Variants in FBXL7 observed in about 807,000 individuals in gnomAD.
FBXL7 encodes F-box/LRR-repeat protein 7.
Under a neutral mutation model 38.3 loss-of-function variants are expected in FBXL7, and 12 were observed. That is an observed-to-expected ratio of 0.31 (90% CI 0.20 to 0.51). The LOEUF (loss-of-function observed/expected upper bound fraction) is 0.51, where lower values mean the gene tolerates loss of function less well. Among genes scored for constraint, FBXL7 ranks in the 20% least tolerant of loss-of-function variants. The pLI is 0.98. For synonymous variants in FBXL7, 297 were observed against 300.9 expected, an observed-to-expected ratio of 0.99 and a Z score of 0.13; for missense variants, 567 against 676.4, an observed-to-expected ratio of 0.84 and a Z score of 1.79.
intron 2 of FBXL7, among the ~76,000 whole-genome samples, chr5:15,650,926 C>T (rs957614932): frequency 6.6e-6 from 1 of 152,128 alleles, no homozygotes; most frequent in African/African-American, 2.4e-5. Context: ...GGTTTGGAAT[C>T]AACTTCTTCC....
chr5:15,568,086 A>G (rs1234855915), intron 1 of FBXL7, among the ~76,000 whole-genome samples: 1 of 152,024 alleles, frequency 6.6e-6, no homozygotes, highest in East Asian at 1.9e-4. Flanking sequence ...TAGCAGCATG[A>G]TTTATAATCC....
At chr5:15,627,328 C>A (rs898558806) in intron 2 of FBXL7, among the ~76,000 whole-genome samples, 1 of 152,074 alleles carries the variant, frequency 6.6e-6, no homozygotes, top group Non-Finnish European at 1.5e-5. Flanking sequence ...AATCAGGACA[C>A]CCTCATGGAA....
intron 2 of FBXL7, among the ~76,000 whole-genome samples, chr5:15,706,151 TTACG>T (rs1199339792): frequency 6.6e-6 from 1 of 152,200 alleles, no homozygotes; most frequent in Non-Finnish European, 1.5e-5. Flanking sequence ...TGTCTAAATC[TTACG>T]TTGAATAGTA....
intron 2 of FBXL7, among the ~76,000 whole-genome samples, chr5:15,678,414 A>G (rs565500365): frequency 6.6e-6 from 1 of 152,314 alleles, no homozygotes; most frequent in African/African-American, 2.4e-5. Context: ...GGTGTCATAT[A>G]TGTAAGAAAG....
chr5:15,813,383 C>A (rs1172410363), intron 2 of FBXL7, among the ~76,000 whole-genome samples: 1 of 152,048 alleles, frequency 6.6e-6, no homozygotes, highest in East Asian at 1.9e-4. Flanking sequence ...ATGCAGAAAA[C>A]TGAAACTGGA....
chr5:15,597,495 T>TAAA (rs35742221), intron 1 of FBXL7, among the ~76,000 whole-genome samples: 59 of 114,890 alleles, frequency 5.1e-4, no homozygotes, highest in African/African-American at 1.9e-3. Context: ...TATCATTTTG[T>TAAA]AAAAAAAAAA....
chr5:15,534,753 T>G (rs549150916), intron 1 of FBXL7, among the ~76,000 whole-genome samples: 41 of 152,360 alleles, frequency 2.7e-4, no homozygotes, highest in South Asian at 1.7e-3. Flanking sequence ...TCCAAGTGGC[T>G]GTACCATTTT....
chr5:15,666,549 G>T (rs187717186), intron 2 of FBXL7, among the ~76,000 whole-genome samples: 8 of 152,144 alleles, frequency 5.3e-5, no homozygotes, highest in Non-Finnish European at 1.2e-4. Flanking sequence ...ACAGTTTGGG[G>T]AGTGTACTTG....
At chr5:15,688,812 G>C (rs1743095023) in intron 2 of FBXL7, among the ~76,000 whole-genome samples, 2 of 152,188 alleles carry the variant, frequency 1.3e-5, no homozygotes, top group African/African-American at 2.4e-5. Context: ...CAGTGGGGCT[G>C]ACTCCGTAAC....
intron 2 of FBXL7, among the ~76,000 whole-genome samples, chr5:15,670,297 C>T (rs527600406): frequency 3.3e-5 from 5 of 152,248 alleles, no homozygotes; most frequent in South Asian, 2.1e-4. Flanking sequence ...ATTTCATCAT[C>T]GACCATATGA....
chr5:15,922,375 A>G (rs2126448070), intron 2 of FBXL7, among the ~76,000 whole-genome samples: 1 of 152,250 alleles, frequency 6.6e-6, no homozygotes, highest in East Asian at 1.9e-4. Context: ...TTTTATCTTC[A>G]AGTAAAATGA....
chr5:15,836,777 G>GT (rs1434221090), intron 2 of FBXL7, among the ~76,000 whole-genome samples: 1 of 152,188 alleles, frequency 6.6e-6, no homozygotes, highest in Non-Finnish European at 1.5e-5. Context: ...TGACTGGCCT[G>GT]TGTCAGGTTT....
chr5:15,678,780 C>G (rs962591116), intron 2 of FBXL7, among the ~76,000 whole-genome samples: 2 of 152,156 alleles, frequency 1.3e-5, no homozygotes, highest in East Asian at 3.9e-4. Context: ...CCATGTAAGA[C>G]ATGCTTTCTG....
At chr5:15,564,934 T>C (rs1033654936) in intron 1 of FBXL7, among the ~76,000 whole-genome samples, 3 of 152,148 alleles carry the variant, frequency 2.0e-5, no homozygotes, top group Admixed American at 2.0e-4. Context: ...ACATTTTAAA[T>C]CTTTCAGCTA....
At chr5:15,663,665 T>A (rs77205912) in intron 2 of FBXL7, among the ~76,000 whole-genome samples, 2 of 152,164 alleles carry the variant, frequency 1.3e-5, no homozygotes, top group African/African-American at 4.8e-5. Context: ...CCTCCTGGGA[T>A]GAAGCCTACT....
At chr5:15,877,361 T>G (rs763013311) in intron 2 of FBXL7, among the ~76,000 whole-genome samples, 15 of 152,224 alleles carry the variant, frequency 9.9e-5, no homozygotes, top group Non-Finnish European at 1.8e-4. Flanking sequence ...TAATGCAATA[T>G]TCAAAGAAAA....
intron 2 of FBXL7, among the ~76,000 whole-genome samples, chr5:15,849,469 T>C (rs1323804449): frequency 6.6e-6 from 1 of 151,998 alleles, no homozygotes; most frequent in Non-Finnish European, 1.5e-5. Context: ...ATTGTGGGAG[T>C]GGTTTCCCCC....
At chr5:15,615,777 A>G (rs1580408672) in intron 1 of FBXL7, among the ~76,000 whole-genome samples, 1 of 152,188 alleles carries the variant, frequency 6.6e-6, no homozygotes, top group East Asian at 1.9e-4. Flanking sequence ...TTATAAGAAG[A>G]CTTTAGTTCT....
In FBXL7 at chr5:15,879,684, C is replaced by T. The variant is rs186916294; in HGVS notation, c.128-48206C>T. Among the ~76,000 whole-genome samples the T allele has an allele frequency of 3.7e-4, 57 of 152,230 alleles. 1 individual carries two copies. The highest frequency in any genetic ancestry group is 1.3e-3 in the Admixed American group (20 of 15,296). ...ACTTAAACCTGTCATAAGGTAGTAT[C>T]AAATTCATCCATCTTCAGCTCGATT... On this transcript the variant is annotated intron_variant, in intron 2 of 3. Coordinates refer to ENST00000504595, the MANE Select transcript of FBXL7 (RefSeq NM_012304.5).
Sources: gnomAD v4.1 joint callset for allele counts (sites outside exome capture counted in the v4.1 genomes callset) on GRCh38, gnomAD v4.1.1 for gene constraint, MANE v1.5 for transcripts, NCBI Gene and HGNC (gene_info 2026-07-23, HGNC 2026-07-21) for gene names.